AXIN1: variants seen among roughly 807,000 people sequenced by gnomAD.
AXIN1 encodes the protein axin 1.
A neutral mutation model predicts 76.4 loss-of-function variants in AXIN1; 30 were observed. That is an observed-to-expected ratio of 0.39 (90% CI 0.29 to 0.53). AXIN1 has a LOEUF of 0.53. Ranked by LOEUF, AXIN1 falls within the 20% of genes least tolerant of loss-of-function variation. The pLI is 0.66. For missense variants in AXIN1, 1,140 were observed against 1,198.8 expected (o/e 0.95, Z 0.72); for synonymous variants, 545 against 501.4 (o/e 1.09, Z -1.16).
intron 2 of AXIN1, among the ~76,000 whole-genome samples, chr16:315,125 G>A (rs1384916244): frequency 2.0e-5 from 3 of 152,196 alleles, no homozygotes; most frequent in Admixed American, 1.3e-4. Flanking sequence ...GCATGGCCAC[G>A]GGACTGATGT....
At chr16:333,384 G>A (rs889245771) in intron 2 of AXIN1, among the ~76,000 whole-genome samples, 16 of 151,458 alleles carry the variant, frequency 1.1e-4, no homozygotes, top group African/African-American at 3.6e-4. Flanking sequence ...CAGCTACTCT[G>A]GAGGCTGAGG....
chr16:316,630 T>C (rs2053307952), intron 2 of AXIN1, among the ~76,000 whole-genome samples: 1 of 152,090 alleles, frequency 6.6e-6, no homozygotes, highest in Non-Finnish European at 1.5e-5. Context: ...AGAGACCAGC[T>C]TTACAGGGGG....
chr16:352,342 C>T, intron 1 of AXIN1, 27 bp downstream of exon 1: 1 of 979,694 alleles, frequency 1.0e-6, no homozygotes, highest in Non-Finnish European at 1.2e-6. Context: ...CGCGGCCTAG[C>T]CCGCCCCGGA....
chr16:310,598 T>C (rs1201858187), intron 3 of AXIN1, among the ~76,000 whole-genome samples: 5 of 152,184 alleles, frequency 3.3e-5, no homozygotes, highest in Admixed American at 2.6e-4. Flanking sequence ...GGGGTTTCAC[T>C]GTGTTAGCCA....
chr16:342,039 A>G (rs183836785), intron 2 of AXIN1, among the ~76,000 whole-genome samples: 36 of 151,862 alleles, frequency 2.4e-4, no homozygotes, highest in African/African-American at 8.0e-4. Flanking sequence ...GTGGGGCCAG[A>G]TAAGAGAATA....
chr16:299,212 A>G, intron 5 of AXIN1: 1 of 985,448 alleles, frequency 1.0e-6, no homozygotes, highest in Non-Finnish European at 1.2e-6. Context: ...TATCTGTCAG[A>G]GCAAACATTT....
intron 1 of AXIN1, among the ~76,000 whole-genome samples, chr16:349,022 C>T (rs1270933721): frequency 1.3e-5 from 2 of 151,800 alleles, no homozygotes; most frequent in Admixed American, 6.6e-5. Context: ...GGCATGAACC[C>T]GGGAGGCAGA....
At chr16:345,520 G>A (rs1213183025) in intron 2 of AXIN1, among the ~76,000 whole-genome samples, 1 of 152,192 alleles carries the variant, frequency 6.6e-6, no homozygotes, top group Non-Finnish European at 1.5e-5. Flanking sequence ...TTCGAGACCA[G>A]CCTGGCCAAC....
chr16:297,646 TATG>T, intron 6 of AXIN1, 73 bp downstream of exon 6: 1 of 1,467,546 alleles, frequency 6.8e-7, no homozygotes, highest in Non-Finnish European at 9.0e-7. Context: ...TCCTGAGTTT[TATG>T]AGGAGGTTCT....
In AXIN1 at chr16:297,711, C is replaced by G. The variant is rs761935909; in HGVS notation, c.1784+11G>C. 6.3e-7 allele frequency: 1 copy of G among 1,592,468 alleles called. No individual in the cohort carries two copies. The highest frequency in any genetic ancestry group is 8.5e-7 in the Non-Finnish European group (1 of 1,174,256). On this transcript the variant is annotated intron_variant, in intron 6 of 10. Coordinates refer to ENST00000262320, the MANE Select transcript of AXIN1 (RefSeq NM_003502.4). ...CCCAAGCCCCCTCCTCACTGACAGG[C>G]GCACGCTCACCTGTGGGCGAGGCCA...
At chr16:310,710 A>G (rs1267253897) in intron 3 of AXIN1, among the ~76,000 whole-genome samples, 2 of 152,066 alleles carry the variant, frequency 1.3e-5, no homozygotes, top group African/African-American at 4.8e-5. Flanking sequence ...CAAGGTTTCT[A>G]CATTTTTAAA....
intron 7 of AXIN1, among the ~76,000 whole-genome samples, chr16:296,294 G>T (rs2052710103): frequency 6.6e-6 from 1 of 152,266 alleles, no homozygotes; most frequent in African/African-American, 2.4e-5. Flanking sequence ...AATGTGGAGG[G>T]AGATGCGTCC....
chr16:334,473 C>T (rs772335745), intron 2 of AXIN1, among the ~76,000 whole-genome samples: 6 of 149,910 alleles, frequency 4.0e-5, no homozygotes, highest in Non-Finnish European at 7.4e-5. Flanking sequence ...GCACCCAGTA[C>T]CACGGCAAGC....
At chr16:341,156 A>G (rs984376151) in intron 2 of AXIN1, among the ~76,000 whole-genome samples, 2 of 152,218 alleles carry the variant, frequency 1.3e-5, no homozygotes, top group East Asian at 3.9e-4. Context: ...CTGGGCTCTC[A>G]CTTTGGTGGC....
At chr16:301,826 C>T (rs113949113) in intron 5 of AXIN1, among the ~76,000 whole-genome samples, 3 of 152,258 alleles carry the variant, frequency 2.0e-5, no homozygotes, top group South Asian at 2.1e-4. Flanking sequence ...AAAATGACAG[C>T]GGCCAACACG....
intron 2 of AXIN1, among the ~76,000 whole-genome samples, chr16:342,683 G>A (rs897837765): frequency 6.6e-6 from 1 of 152,224 alleles, no homozygotes. Context: ...CGGCACACGT[G>A]CCCTCCTCAG....
chr16:304,258 C>CAGCACGACACCGACGCGG (rs757577608), intron 5 of AXIN1, 46 bp downstream of exon 5: 3 of 1,602,704 alleles, frequency 1.9e-6, no homozygotes, highest in Non-Finnish European at 1.7e-6. Flanking sequence ...GGCAAGAAAA[C>CAGCACGACACCGACGCGG]AGCACGACAC....
chr16:325,071 G>A lies in AXIN1; in HGVS notation c.879-10388C>T, dbSNP rs2053550046. ...CGCACCAGATCACAGCCTCAGCCCC[G>A]CGGGCGCGCCCCAGGAAACCATGGC... On this transcript the variant is annotated intron_variant, in intron 2 of 10. Transcript: ENST00000262320. Among the ~76,000 whole-genome samples, 2 of 151,956 alleles carry A rather than the reference G, an allele frequency of 1.3e-5. 1 individual carries two copies. Among genetic ancestry groups the A allele is most frequent in the Admixed American group, 1.3e-4 (2 of 15,272 alleles).
chr16:320,212 A>G (rs2053408286), intron 2 of AXIN1, among the ~76,000 whole-genome samples: 1 of 152,066 alleles, frequency 6.6e-6, no homozygotes, highest in Admixed American at 6.6e-5. Context: ...ACTCCTGGCT[A>G]CTTTTTCATT....
Sources: allele counts gnomAD v4.1 joint callset (sites outside exome capture counted in the v4.1 genomes callset), GRCh38; gene constraint gnomAD v4.1.1; transcripts MANE v1.5; gene names NCBI Gene and HGNC (gene_info 2026-07-23, HGNC 2026-07-21).